TRPV1: variants seen among roughly 807,000 people sequenced by gnomAD.
TRPV1 encodes OTRPC1.
TRPV1 carries 82 observed loss-of-function variants against 82.3 expected under a neutral mutation model. The ratio of observed to expected loss-of-function variants is 1.00; its 90% CI spans 0.83 to 1.20. The LOEUF (loss-of-function observed/expected upper bound fraction) is 1.20. Ranked by LOEUF, TRPV1 falls within the 50% of genes most tolerant of loss-of-function variation. The pLI, the probability that TRPV1 is intolerant of heterozygous loss-of-function variation, is 0.00. For synonymous variants in TRPV1, 515 were observed against 467.7 expected (o/e 1.10, Z -1.30); for missense variants, 1,067 against 1,096.8 (o/e 0.97, Z 0.38).
In TRPV1 at chr17:3,591,098, G is replaced by A. The variant is rs1257058053; in HGVS notation, c.470C>T (p.Thr157Ile). ...NEFKDPETGK[T>I]CLLKAMLNLH... ...GTTGAGCATGGCTTTCAGCAGACAGGTCTTCCCTGTCTCAGGGTCTGAAAG... is the reference window on the plus strand; with the variant it reads ...GTTGAGCATGGCTTTCAGCAGACAGATCTTCCCTGTCTCAGGGTCTGAAAG... The change falls in exon 5 of 17, where the codon ACC becomes ATC. Residue 157 changes from threonine to isoleucine, a missense_variant. Physicochemically the swap from Thr to Ile is moderately conservative, Grantham distance 89. Transcript: ENST00000572705. 1 of 1,612,640 alleles carries A rather than the reference G, an allele frequency of 6.2e-7. No homozygotes were observed. Among genetic ancestry groups the A allele is most frequent in the South Asian group, 1.1e-5 (1 of 90,650 alleles).
chr17:3,599,049 G>A (rs1043458607), intron 2 of TRPV1, among the ~76,000 whole-genome samples: 1 of 150,210 alleles, frequency 6.7e-6, no homozygotes, highest in Non-Finnish European at 1.5e-5. Context: ...GACCAGGCCT[G>A]ACCAACATGG....
chr17:3,607,601 A>C (rs1383505376), intron 2 of TRPV1, among the ~76,000 whole-genome samples: 1 of 149,064 alleles, frequency 6.7e-6, no homozygotes, highest in Non-Finnish European at 1.5e-5. Flanking sequence ...CAGTGGTGCG[A>C]TCTCAGCTCA....
chr17:3,591,680 G>T (rs1006275394), intron 3 of TRPV1, among the ~76,000 whole-genome samples: 2 of 152,158 alleles, frequency 1.3e-5, no homozygotes, highest in African/African-American at 4.8e-5. Context: ...GGAGGCAGGG[G>T]TGTAGACAGC....
At position 3,590,023 on chromosome 17, in the gene TRPV1, G is replaced by C. The variant is rs772685056; in HGVS notation, c.828C>G (p.Ala276=). ...CCACCGAGTCCCTGGCGCTGATGTC[G>C]GCCGTCTGCCAGGAGTTCTGCAGCA... ...KFLLQNSWQT[A]DISARDSVGN... Residue 276 remains alanine, a synonymous_variant, in exon 7 of 17, where the codon GCC becomes GCG. Coordinates refer to ENST00000572705, the MANE Select transcript of TRPV1 (RefSeq NM_080704.4). 3.1e-5 allele frequency: 48 copies of C among 1,570,234 alleles called. No homozygotes were observed. The highest frequency in any genetic ancestry group is 3.9e-5 in the Non-Finnish European group (45 of 1,158,428).
At position 3,566,988 on chromosome 17, in the gene TRPV1, C is replaced by G; in HGVS notation, c.2348-1G>C. ...AAGTTCTTCCAGTGTCTGCCTGAAACTGAAGGGTAACACTATTACTACCTT... is the reference window on the plus strand; with the variant it reads ...AAGTTCTTCCAGTGTCTGCCTGAAAGTGAAGGGTAACACTATTACTACCTT... On this transcript the variant is annotated splice_acceptor_variant, in intron 16 of 16. Transcript: ENST00000572705. LOFTEE classifies it high-confidence loss of function. 6.2e-7 allele frequency: 1 copy of G among 1,613,752 alleles called. No homozygotes were observed. The highest frequency in any genetic ancestry group is 8.5e-7 in the Non-Finnish European group (1 of 1,179,800).
In TRPV1 at chr17:3,609,348, A is replaced by T. The variant is rs1476164330; in HGVS notation, c.-212T>A. The T allele has an allele frequency of 1.4e-5, 2 of 145,468 alleles. No individual in the cohort carries two copies. The highest frequency in any genetic ancestry group is 7.1e-5 in the Admixed American group (1 of 14,156). 9.0% of individuals were successfully genotyped at this position (145,468 alleles called of 1,614,324 possible). A position where few individuals can be genotyped will look rare whatever the true frequency, so the allele number is the denominator to read the frequency against. On this transcript the variant is annotated 5_prime_UTR_variant, in exon 1 of 17. Transcript: ENST00000572705. ...GAGAGAGAGAGAGAGAGAGAGAGAG[A>T]GAATACGACTGCTTCCCAAACTCGT... is the stretch of plus-strand genomic sequence containing the variant.
chr17:3,570,562 T>C (rs569994323), intron 16 of TRPV1, among the ~76,000 whole-genome samples: 23 of 152,284 alleles, frequency 1.5e-4, no homozygotes, highest in African/African-American at 5.5e-4. Context: ...AGGGTTGTAA[T>C]TATAACTCAA....
intron 2 of TRPV1, among the ~76,000 whole-genome samples, chr17:3,596,547 C>T (rs564033211): frequency 2.6e-5 from 4 of 152,278 alleles, no homozygotes; most frequent in Admixed American, 6.5e-5. Context: ...ACAGAGAGGG[C>T]GACACGCTGA....
intron 11 of TRPV1, among the ~76,000 whole-genome samples, chr17:3,579,277 C>T (rs922874762): frequency 3.3e-5 from 5 of 151,956 alleles, no homozygotes; most frequent in South Asian, 2.1e-4. Context: ...TTAAAGGATG[C>T]GGTTTGTGAG....
intron 13 of TRPV1, among the ~76,000 whole-genome samples, chr17:3,576,668 A>AAAAAAAAAAAAATATAT: frequency 4.7e-4 from 18 of 38,412 alleles, no homozygotes; most frequent in South Asian, 1.3e-3. Context: ...AAAAAAAAAA[A>AAAAAAAAAAAAATATAT]ATATATATAT....
At chr17:3,571,423 G>T (rs1057360756) in intron 16 of TRPV1, 101 bp downstream of exon 16, 2 of 920,604 alleles carry the variant, frequency 2.2e-6, no homozygotes, top group African/African-American at 1.6e-5. Flanking sequence ...GTCCTGGGGG[G>T]ATGAGGAACC....
chr17:3,573,276 G>A (rs1385856327), intron 14 of TRPV1, among the ~76,000 whole-genome samples: 2 of 152,124 alleles, frequency 1.3e-5, no homozygotes, highest in Non-Finnish European at 2.9e-5. Context: ...CTGTCGGGCT[G>A]AGCCCTCCCC....
In TRPV1 at chr17:3,567,005, T is replaced by A; in HGVS notation, c.2348-18A>T. 3 of 1,612,570 alleles carry A rather than the reference T, an allele frequency of 1.9e-6. No individual in the cohort carries two copies. The highest frequency in any genetic ancestry group is 2.2e-5 in the South Asian group (2 of 90,936). Reference sequence around the variant, plus strand: ...GCCTGAAACTGAAGGGTAACACTATTACTACCTTGGATGCAACAAAACAAA... The same window carrying A: ...GCCTGAAACTGAAGGGTAACACTATAACTACCTTGGATGCAACAAAACAAA... On this transcript the variant is annotated intron_variant, in intron 16 of 16. Coordinates refer to ENST00000572705, the MANE Select transcript of TRPV1 (RefSeq NM_080704.4).
chr17:3,582,058 C>G, intron 10 of TRPV1, among the ~76,000 whole-genome samples: 1 of 141,692 alleles, frequency 7.1e-6, no homozygotes, highest in African/African-American at 2.6e-5. Context: ...GGCGTGGTGG[C>G]GGGTGCCTGT....
intron 16 of TRPV1, among the ~76,000 whole-genome samples, chr17:3,567,439 G>T (rs546994018): frequency 1.3e-5 from 2 of 151,106 alleles, no homozygotes; most frequent in South Asian, 4.2e-4. Flanking sequence ...CCAGGCATGC[G>T]AGTGCTTCCT....
chr17:3,588,386 A>T lies in TRPV1; in HGVS notation c.1045-19T>A. On this transcript the variant is annotated intron_variant, in intron 7 of 16. Coordinates refer to ENST00000572705, the MANE Select transcript of TRPV1 (RefSeq NM_080704.4). ...CCAAGACCTGCCCCCGGGGAGCAAGAGCCCGTCAGAGGCCAGCCCCAGGCT... is the reference window on the plus strand; with the variant it reads ...CCAAGACCTGCCCCCGGGGAGCAAGTGCCCGTCAGAGGCCAGCCCCAGGCT... The T allele has an allele frequency of 6.5e-7, 1 of 1,549,008 alleles. No individual in the cohort carries two copies. Among genetic ancestry groups the T allele is most frequent in the Non-Finnish European group, 8.7e-7 (1 of 1,145,342 alleles).
chr17:3,590,592 T>G (rs1398203778), intron 5 of TRPV1, among the ~76,000 whole-genome samples, 200 bp from the exon 6 acceptor site: 1 of 152,008 alleles, frequency 6.6e-6, no homozygotes, highest in East Asian at 1.9e-4. Flanking sequence ...AGGAGACCCC[T>G]GGGAACAGGA....
intron 13 of TRPV1, among the ~76,000 whole-genome samples, chr17:3,574,183 A>G (rs1267627842): frequency 6.6e-6 from 1 of 152,190 alleles, no homozygotes; most frequent in East Asian, 1.9e-4. Flanking sequence ...TGCAATGTGA[A>G]TACAGCCACC....
chr17:3,579,045 G>A (rs892564209), intron 11 of TRPV1, among the ~76,000 whole-genome samples: 4 of 152,056 alleles, frequency 2.6e-5, no homozygotes, highest in Non-Finnish European at 5.9e-5. Context: ...CCGGGAGGGG[G>A]ACAAGGGTTG....
Sources: gnomAD v4.1 joint callset for allele counts (sites outside exome capture counted in the v4.1 genomes callset) on GRCh38, gnomAD v4.1.1 for gene constraint, MANE v1.5 for transcripts, NCBI Gene and HGNC (gene_info 2026-07-23, HGNC 2026-07-21) for gene names.